LRIG1: variants seen among roughly 807,000 people sequenced by gnomAD.
LRIG1 encodes leucine rich repeats and immunoglobulin like domains 1, also known as leucine-rich repeats and immunoglobulin-like domains protein 1.
Under a neutral mutation model 99.2 loss-of-function variants are expected in LRIG1, and 48 were observed. The ratio of observed to expected loss-of-function variants is 0.48; its 90% CI spans 0.38 to 0.62. LRIG1 has a LOEUF of 0.62. Ranked by LOEUF, LRIG1 falls within the 20% of genes least tolerant of loss-of-function variation. The pLI, the probability that LRIG1 is intolerant of heterozygous loss-of-function variation, is 0.00. For missense variants in LRIG1, 1,646 were observed against 1,434.4 expected, an observed-to-expected ratio of 1.15 and a Z score of -2.38; for synonymous variants, 772 against 596.1, an observed-to-expected ratio of 1.29 and a Z score of -4.30.
rs138969558 is a variant in LRIG1, at chr3:66,469,990, C to A, written c.219-7481G>T. Among the ~76,000 whole-genome samples the A allele has an allele frequency of 5.3e-3, 804 of 151,680 alleles. 2 individuals are homozygous for A. Among genetic ancestry groups the A allele is most frequent in the African/African-American group, 0.014 (598 of 41,336 alleles). ...TTGCAAGCATTCTGTAATGGTAGATCAGTAGCTACAAATTGGTAGTTTGTG... is the reference window on the plus strand; with the variant it reads ...TTGCAAGCATTCTGTAATGGTAGATAAGTAGCTACAAATTGGTAGTTTGTG... On this transcript the variant is annotated intron_variant, in intron 1 of 18. Transcript: ENST00000273261.
In LRIG1 at chr3:66,382,855, G is replaced by T. The variant is rs1442427381; in HGVS notation, c.2491+127C>A. The T allele has an allele frequency of 2.8e-5, 22 of 797,466 alleles. No homozygotes were observed. In the East Asian group the frequency reaches 4.3e-4, roughly 16 times the overall value. The allele number at this position is 797,466 out of a possible 1,614,324, so 49.4% of individuals were successfully genotyped here. ...CCTCAAAGTTAAAATGGAATTAGTG[G>T]GACTAAACCCTCAGGAGTTCTGAAC... On this transcript the variant is annotated intron_variant, in intron 15 of 18. Coordinates refer to ENST00000273261, the MANE Select transcript of LRIG1 (RefSeq NM_015541.3).
At position 66,500,434 on chromosome 3, in the gene LRIG1, G is replaced by C; in HGVS notation, c.-27C>G. 1.5e-6 allele frequency: 2 copies of C among 1,331,532 alleles called. No homozygotes were observed. The highest frequency in any genetic ancestry group is 1.9e-6 in the Non-Finnish European group (2 of 1,040,334). 82.5% of individuals were successfully genotyped at this position (1,331,532 alleles called of 1,614,324 possible). A position where few individuals can be genotyped will look rare whatever the true frequency, so the allele number is the denominator to read the frequency against. ...TTGTCTGGAGCGCGCTGCGAACTCC[G>C]GGCGCGGGGACTGTGAGGACCCGAA... On this transcript the variant is annotated 5_prime_UTR_variant, in exon 1 of 19. Transcript: ENST00000273261.
At chr3:66,463,763 C>T (rs1700409464) in intron 1 of LRIG1, among the ~76,000 whole-genome samples, 2 of 152,192 alleles carry the variant, frequency 1.3e-5, no homozygotes, top group Non-Finnish European at 2.9e-5. Flanking sequence ...GAAAGTGTCA[C>T]GTATTGTGGC....
intron 3 of LRIG1, among the ~76,000 whole-genome samples, chr3:66,435,604 G>T (rs574237464): frequency 1.3e-5 from 2 of 151,948 alleles, no homozygotes; most frequent in Admixed American, 6.6e-5. Flanking sequence ...GACAACCAAG[G>T]GTGTGAGGGC....
At chr3:66,433,719 G>A (rs566202654) in intron 3 of LRIG1, among the ~76,000 whole-genome samples, 124 of 152,326 alleles carry the variant, frequency 8.1e-4, no homozygotes, top group African/African-American at 2.9e-3. Flanking sequence ...ATGGGTATGG[G>A]TGGGATTGAG....
chr3:66,454,580 A>C (rs1424497821), intron 2 of LRIG1, among the ~76,000 whole-genome samples: 1 of 152,184 alleles, frequency 6.6e-6, no homozygotes, highest in Non-Finnish European at 1.5e-5. Flanking sequence ...AATCTCTCTG[A>C]AACGTCTGGT....
chr3:66,479,427 C>T (rs370997976), intron 1 of LRIG1, among the ~76,000 whole-genome samples: 3 of 152,270 alleles, frequency 2.0e-5, no homozygotes, highest in East Asian at 3.9e-4. Flanking sequence ...TCCAAACAGA[C>T]GGGCAAGTTA....
chr3:66,433,702 G>A (rs1380714891), intron 3 of LRIG1, among the ~76,000 whole-genome samples: 1 of 152,226 alleles, frequency 6.6e-6, no homozygotes, highest in African/African-American at 2.4e-5. Context: ...CTCCGGGAGG[G>A]TTAAGGATGG....
chr3:66,382,657 C>T (rs900234896), intron 15 of LRIG1, among the ~76,000 whole-genome samples: 1 of 152,194 alleles, frequency 6.6e-6, no homozygotes, highest in Non-Finnish European at 1.5e-5. Context: ...CCGGGGCTCA[C>T]AGAAGTACCG....
intron 9 of LRIG1, chr3:66,404,340 G>T: frequency 1.6e-6 from 2 of 1,286,824 alleles, no homozygotes; most frequent in Non-Finnish European, 2.0e-6. Flanking sequence ...TGGGGGAATC[G>T]AGCGGCAGCC....
intron 1 of LRIG1, among the ~76,000 whole-genome samples, chr3:66,488,648 A>C (rs1348914735): frequency 1.3e-5 from 2 of 152,078 alleles, no homozygotes; most frequent in Non-Finnish European, 2.9e-5. Context: ...AAAAAGAAAA[A>C]GGAAGCCACT....
At chr3:66,483,475 T>C (rs1700897636) in intron 1 of LRIG1, among the ~76,000 whole-genome samples, 2 of 152,260 alleles carry the variant, frequency 1.3e-5, no homozygotes, top group Admixed American at 6.5e-5. Context: ...CTGTCCTTAG[T>C]GTTCTCACAG....
intron 4 of LRIG1, among the ~76,000 whole-genome samples, chr3:66,415,692 C>T (rs1559787754): frequency 6.6e-6 from 1 of 152,114 alleles, no homozygotes; most frequent in Non-Finnish European, 1.5e-5. Flanking sequence ...GGGCATCTCC[C>T]GTGACAATAC....
rs564484641 is a variant in LRIG1, at chr3:66,422,164, T to A, written c.366-4898A>T. On this transcript the variant is annotated intron_variant, in intron 3 of 18. Coordinates refer to ENST00000273261, the MANE Select transcript of LRIG1 (RefSeq NM_015541.3). ...GGGGCTGCCGCAAACATCTCTGACA[T>A]GCCCTGGAGACATATTCCCCATTGT... Among the ~76,000 whole-genome samples, 4 of 152,352 alleles carry A rather than the reference T, an allele frequency of 2.6e-5. No individual in the cohort carries two copies. In the South Asian group the frequency reaches 8.3e-4, roughly 32 times the overall value.
At chr3:66,408,108 A>G (rs541882087) in intron 7 of LRIG1, among the ~76,000 whole-genome samples, 1 of 152,314 alleles carries the variant, frequency 6.6e-6, no homozygotes, top group South Asian at 2.1e-4. Flanking sequence ...GCTTTGCCCG[A>G]ACCTCAGAAT....
intron 1 of LRIG1, among the ~76,000 whole-genome samples, chr3:66,487,926 C>A (rs1169420711): frequency 6.6e-6 from 1 of 152,184 alleles, no homozygotes; most frequent in Non-Finnish European, 1.5e-5. Flanking sequence ...AGACCACTAA[C>A]TGTTCCTCCA....
At chr3:66,388,198 T>G (rs1384726625) in intron 12 of LRIG1, 2 of 151,498 alleles carry the variant, frequency 1.3e-5, no homozygotes, top group African/African-American at 4.8e-5. Flanking sequence ...AGTAGAAATT[T>G]TGAAACTTAG....
At chr3:66,412,042 G>A (rs920752808) in intron 6 of LRIG1, among the ~76,000 whole-genome samples, 10 of 152,114 alleles carry the variant, frequency 6.6e-5, no homozygotes, top group African/African-American at 1.9e-4. Flanking sequence ...AAATATTAAC[G>A]TTTAAAAAGG....
chr3:66,429,446 T>C (rs1389504412), intron 3 of LRIG1, among the ~76,000 whole-genome samples: 2 of 152,172 alleles, frequency 1.3e-5, no homozygotes, highest in Non-Finnish European at 2.9e-5. Context: ...GAAATACACA[T>C]TGTTGAGTAA....
Sources: gnomAD v4.1 joint callset for allele counts (sites outside exome capture counted in the v4.1 genomes callset) on GRCh38, gnomAD v4.1.1 for gene constraint, MANE v1.5 for transcripts, NCBI Gene and HGNC (gene_info 2026-07-23, HGNC 2026-07-21) for gene names.